Variants in ROBO2 observed in about 807,000 individuals in gnomAD.
ROBO2 encodes roundabout guidance receptor 2.
In ROBO2, 53 loss-of-function variants were observed where a neutral mutation model predicts 160.8. The observed-to-expected ratio is 0.33, with a 90% CI of 0.26 to 0.41. The LOEUF (loss-of-function observed/expected upper bound fraction) is 0.41. Among genes scored for constraint, ROBO2 ranks in the 10% least tolerant of loss-of-function variants. The pLI is 1.00. For synonymous variants in ROBO2, 664 were observed against 611.7 expected (o/e 1.09, Z -1.26); for missense variants, 1,577 against 1,722.4 (o/e 0.92, Z 1.49).
intron 2 of ROBO2, among the ~76,000 whole-genome samples, chr3:76,878,664 A>T (rs913059318): frequency 4.6e-5 from 7 of 152,164 alleles, no homozygotes; most frequent in African/African-American, 1.7e-4. Flanking sequence ...CGTTTATTCA[A>T]TAGGGAGAAC....
intron 2 of ROBO2, among the ~76,000 whole-genome samples, chr3:76,300,161 G>A: frequency 6.6e-6 from 1 of 152,034 alleles, no homozygotes; most frequent in Non-Finnish European, 1.5e-5. Context: ...TGGGCTGTGG[G>A]AAAGAATTCA....
At chr3:76,151,324 C>G (rs1253051622) in intron 2 of ROBO2, among the ~76,000 whole-genome samples, 1 of 152,030 alleles carries the variant, frequency 6.6e-6, no homozygotes, top group Non-Finnish European at 1.5e-5. Context: ...TTTTTTCTTT[C>G]CCCTCTAAAA....
chr3:77,127,456 TA>T (rs757630269), intron 2 of ROBO2, among the ~76,000 whole-genome samples: 2 of 152,192 alleles, frequency 1.3e-5, no homozygotes, highest in East Asian at 1.9e-4. Flanking sequence ...TATTATAGAT[TA>T]TTTTTCACCA....
At chr3:76,429,468 T>C (rs774012977) in intron 2 of ROBO2, among the ~76,000 whole-genome samples, 20 of 152,340 alleles carry the variant, frequency 1.3e-4, no homozygotes, top group Non-Finnish European at 1.9e-4. Flanking sequence ...GCTTTGTGAA[T>C]ACGTTCTAAA....
chr3:76,182,716 G>A lies in ROBO2; in HGVS notation c.109+245114G>A, dbSNP rs146121833. Among the ~76,000 whole-genome samples the A allele has an allele frequency of 5.2e-3, 792 of 152,172 alleles. 8 individuals carry two copies. The highest frequency in any genetic ancestry group is 0.018 in the African/African-American group (765 of 41,528). Reference sequence around the variant, plus strand: ...TATAGTACACCTAAAGTCAGGAGGCGCAAATTAGAGATTCAAAACTAATAT... The same window carrying A: ...TATAGTACACCTAAAGTCAGGAGGCACAAATTAGAGATTCAAAACTAATAT... On this transcript the variant is annotated intron_variant, in intron 2 of 26. Transcript: ENST00000487694.
At chr3:77,212,120 T>TG (rs1207010661) in intron 2 of ROBO2, among the ~76,000 whole-genome samples, 1 of 152,170 alleles carries the variant, frequency 6.6e-6, no homozygotes, top group Admixed American at 6.5e-5. Flanking sequence ...AGAAAGTCAT[T>TG]GGTAGCTTGA....
At chr3:76,600,640 C>G (rs1216789082) in intron 2 of ROBO2, among the ~76,000 whole-genome samples, 3 of 152,074 alleles carry the variant, frequency 2.0e-5, no homozygotes, top group Non-Finnish European at 4.4e-5. Flanking sequence ...CAGGAAAGGC[C>G]CACCCCCAAA....
chr3:76,471,803 C>A (rs1350425848), intron 2 of ROBO2, among the ~76,000 whole-genome samples: 1 of 152,002 alleles, frequency 6.6e-6, no homozygotes, highest in Non-Finnish European at 1.5e-5. Flanking sequence ...ACAATCATGG[C>A]AGAAGGGGAA....
intron 2 of ROBO2, among the ~76,000 whole-genome samples, chr3:77,134,176 C>CAAAAA (rs577125248): frequency 2.1e-5 from 3 of 141,734 alleles, no homozygotes; most frequent in Non-Finnish European, 4.6e-5. Context: ...AACTTTGGCT[C>CAAAAA]AAAAAAAAAA....
exon 23 of ROBO2, chr3:77,622,356 A>G (rs1327467179): frequency 1.2e-6 from 2 of 1,613,940 alleles, no homozygotes; most frequent in African/African-American, 1.3e-5. Flanking sequence ...AGGAAGCTTT[A>G]GAAATCCCCA....
chr3:77,341,289 CA>C (rs780984114), intron 2 of ROBO2, among the ~76,000 whole-genome samples: 1 of 152,112 alleles, frequency 6.6e-6, no homozygotes, highest in African/African-American at 2.4e-5. Context: ...GAGGTGAAAT[CA>C]TTATATATCT....
At chr3:77,180,412 CTCTCTATA>C (rs368200043) in intron 2 of ROBO2, among the ~76,000 whole-genome samples, 124 of 93,784 alleles carry the variant, frequency 1.3e-3, no homozygotes, top group African/African-American at 4.2e-3. Context: ...CTCTCTCTCT[CTCTCTATA>C]TATATATATA....
At chr3:76,076,918 G>C (rs1241809272) in intron 2 of ROBO2, among the ~76,000 whole-genome samples, 2 of 152,124 alleles carry the variant, frequency 1.3e-5, no homozygotes, top group African/African-American at 4.8e-5. Flanking sequence ...TGTTGTTTTG[G>C]TCTTTTATGT....
rs547162301 is a variant in ROBO2 at position 77,328,723 on chromosome 3, T to G, written c.389-148691T>G. On this transcript the variant is annotated intron_variant, in intron 2 of 25. Transcript: ENST00000461745. ...GTTAATGTTTCACAACACTTTATAC[T>G]CTGAAAAAATAAAAATAAAAAAAGG... 3.9e-5 allele frequency among the ~76,000 whole-genome samples: 6 copies of G among 152,184 alleles called. No individual in the cohort carries two copies. In the East Asian group the frequency reaches 1.2e-3, roughly 29 times the overall value.
rs1446501800 is a variant in ROBO2 at position 77,291,866 on chromosome 3, C to T, written c.389-185548C>T. Among the ~76,000 whole-genome samples, 6 of 150,946 alleles carry T rather than the reference C, an allele frequency of 4.0e-5. No homozygotes were observed. The East Asian group carries it at 5.9e-4, about 15-fold the overall frequency. Reference sequence around the variant, plus strand: ...TAAGCTGAGGCTAGATCACCCCAGACATAAAGTAAAATTGATGGATAAACG... The same window carrying T: ...TAAGCTGAGGCTAGATCACCCCAGATATAAAGTAAAATTGATGGATAAACG... On this transcript the variant is annotated intron_variant, in intron 2 of 25. Transcript: ENST00000461745.
chr3:76,696,442 A>G (rs1044384111), intron 2 of ROBO2, among the ~76,000 whole-genome samples: 2 of 150,504 alleles, frequency 1.3e-5, no homozygotes, highest in African/African-American at 4.9e-5. Context: ...ATACGAAGGG[A>G]GGGGACCCAA....
chr3:77,317,632 C>G, intron 2 of ROBO2: 1 of 547,884 alleles, frequency 1.8e-6, no homozygotes, highest in Non-Finnish European at 3.0e-6. Context: ...TGGCGGCGGG[C>G]TCTGCGGGGG....
At chr3:76,523,830 T>A (rs1158015630) in intron 2 of ROBO2, among the ~76,000 whole-genome samples, 1 of 152,018 alleles carries the variant, frequency 6.6e-6, no homozygotes, top group Non-Finnish European at 1.5e-5. Flanking sequence ...AAATATAAGA[T>A]GAATGATTGC....
chr3:76,295,220 G>GA (rs527385661), intron 2 of ROBO2, among the ~76,000 whole-genome samples: 6 of 151,564 alleles, frequency 4.0e-5, no homozygotes, highest in African/African-American at 9.7e-5. Context: ...ATTATTTATT[G>GA]AAAAAAAAGT....
Sources: allele counts gnomAD v4.1 joint callset (sites outside exome capture counted in the v4.1 genomes callset), GRCh38; gene constraint gnomAD v4.1.1; transcripts MANE v1.5; gene names NCBI Gene and HGNC (gene_info 2026-07-23, HGNC 2026-07-21).